CSAD: variants seen among roughly 807,000 people sequenced by gnomAD.
CSAD encodes P-selectin cytoplasmic tail-associated protein.
A neutral mutation model predicts 61.5 loss-of-function variants in CSAD; 47 were observed. That is an observed-to-expected ratio of 0.76 (90% CI 0.60 to 0.97). The LOEUF is 0.97. Among genes scored for constraint, CSAD ranks in the 50% least tolerant of loss-of-function variants. The probability of loss-of-function intolerance (pLI) is 0.00; values close to 1 mark genes in which losing one functional copy is unlikely to be tolerated. For synonymous variants in CSAD, 245 were observed against 252.7 expected (o/e 0.97, Z 0.29); for missense variants, 611 against 643.6 (o/e 0.95, Z 0.55).
chr12:53,165,751 G>A (rs1357092082), intron 10 of CSAD, among the ~76,000 whole-genome samples: 1 of 151,520 alleles, frequency 6.6e-6, no homozygotes, highest in Non-Finnish European at 1.5e-5. Flanking sequence ...CTGCAGGAAT[G>A]TAAACTGGTA....
chr12:53,158,520 C>T lies in CSAD; in HGVS notation c.1473G>A (p.Gln491=). The change falls in exon 17 of 17, where the codon CAG becomes CAA. Residue 491 remains glutamine (Q), a synonymous_variant. Transcript: ENST00000444623. Reference sequence around the variant, plus strand: ...GCAAGACAGAGAAGGCTCACAGGTCCTGGCCTAGCCGCTCCAGCTCGTTGA... The same window carrying T: ...GCAAGACAGAGAAGGCTCACAGGTCTTGGCCTAGCCGCTCCAGCTCGTTGA... ...FLLNELERLG[Q]DL 6.2e-7 allele frequency: 1 copy of T among 1,612,950 alleles called. No individual in the cohort carries two copies. The highest frequency in any genetic ancestry group is 1.1e-5 in the South Asian group (1 of 91,036).
At position 53,170,063 on chromosome 12, in the gene CSAD, C is replaced by A; in HGVS notation, c.702+9G>T. 6.2e-7 allele frequency: 1 copy of A among 1,613,488 alleles called. No individual in the cohort carries two copies. ...GGCTATATCACCCCAGCGAGCCTCA[C>A]TGACTCACCTCAGCCTCGGCCATAC... On this transcript the variant is annotated intron_variant, in intron 10 of 16. Coordinates refer to ENST00000444623, the MANE Select transcript of CSAD (RefSeq NM_001244705.2).
At chr12:53,160,652 G>A (rs1405598790) in intron 13 of CSAD, 111 bp downstream of exon 13, 3 of 955,022 alleles carry the variant, frequency 3.1e-6, no homozygotes, top group Admixed American at 2.2e-5. Context: ...TGCAGCTTCA[G>A]AAGGGATGGT....
At chr12:53,169,205 T>C (rs1411060240) in intron 10 of CSAD, among the ~76,000 whole-genome samples, 1 of 144,484 alleles carries the variant, frequency 6.9e-6, no homozygotes, top group Non-Finnish European at 1.5e-5. Context: ...AATGGCCGGG[T>C]GCAATGGCTC....
rs1293336328 is a variant in CSAD at position 53,163,091 on chromosome 12, GGT to G, written c.703-1704_703-1703del. Among the ~76,000 whole-genome samples the G allele has an allele frequency of 3.3e-3, 502 of 151,896 alleles. 2 individuals carry two copies. The highest frequency in any genetic ancestry group is 0.012 in the African/African-American group (487 of 41,460). Reference sequence around the variant, plus strand: ...AAAAAAAAAAGAAAAAAAATAGACAGGTGTATAGGGGTGCACTCCTATAGTCC... The same window carrying G: ...AAAAAAAAAAGAAAAAAAATAGACAGGTATAGGGGTGCACTCCTATAGTCC... On this transcript the variant is annotated intron_variant, in intron 10 of 16. Coordinates refer to ENST00000444623, the MANE Select transcript of CSAD (RefSeq NM_001244705.2).
intron 10 of CSAD, among the ~76,000 whole-genome samples, chr12:53,168,678 T>C (rs535052902): frequency 3.3e-4 from 51 of 152,286 alleles, no homozygotes; most frequent in African/African-American, 1.0e-3. Flanking sequence ...TAAATAATAA[T>C]AACAACAATA....
chr12:53,176,887 C>T (rs1219587528), intron 2 of CSAD, among the ~76,000 whole-genome samples: 1 of 152,016 alleles, frequency 6.6e-6, no homozygotes, highest in Non-Finnish European at 1.5e-5. Flanking sequence ...CACATGCCAG[C>T]ATGCCGGGTT....
chr12:53,180,439 A>G, intron 1 of CSAD: 1 of 1,176,468 alleles, frequency 8.5e-7, no homozygotes, highest in Non-Finnish European at 1.1e-6. Flanking sequence ...CCCAGCGTAC[A>G]ATCATCGAAG....
intron 16 of CSAD, among the ~76,000 whole-genome samples, chr12:53,159,171 G>T (rs1938938540): frequency 6.6e-6 from 1 of 152,168 alleles, no homozygotes; most frequent in Non-Finnish European, 1.5e-5. Context: ...ATAAGGGCAA[G>T]AACATTTGTC....
intron 10 of CSAD, among the ~76,000 whole-genome samples, chr12:53,161,675 T>C (rs1002984381): frequency 6.6e-6 from 1 of 152,060 alleles, no homozygotes; most frequent in Non-Finnish European, 1.5e-5. Flanking sequence ...TGAAAAAAAA[T>C]TGAGTCAGGC....
chr12:53,171,979 A>G lies in CSAD; in HGVS notation c.354T>C (p.Tyr118=), dbSNP rs752037364. 1.2e-6 allele frequency: 2 copies of G among 1,612,520 alleles called. No individual in the cohort carries two copies. Among genetic ancestry groups the G allele is most frequent in the African/African-American group, 2.7e-5 (2 of 74,868 alleles). ...TGAGCACAAACACGGGGGCGATTTC[A>G]TATGTGTACCTGCCAGGAGAGAGAA... is the stretch of plus-strand genomic sequence containing the variant. The part of the protein sequence containing the change: ...TESLNTSQYT[Y]EIAPVFVLME... Residue 118 remains tyrosine (Y), a synonymous_variant, in exon 7 of 17, where the codon TAT becomes TAC. Transcript: ENST00000444623.
rs1016029539 is a variant in CSAD, at chr12:53,160,167, G to A, written c.1119C>T (p.Gly373=). The change falls in exon 14 of 17, where the codon GGC becomes GGT. Residue 373 remains glycine (G), a synonymous_variant. Transcript: ENST00000444623. ...LKLWLMWKAQ[G]DQGLERRIDQ... is the part of the protein sequence containing the mutation. ...CGATGCGCCGCTCCAGCCCTTGATC[G>A]CCCTGTGCCTTCCACATGAGCCACA... The A allele has an allele frequency of 1.5e-5, 24 of 1,613,858 alleles. No homozygotes were observed. In the East Asian group the frequency reaches 2.2e-4, roughly 15 times the overall value.
At chr12:53,162,086 C>G (rs1939349122) in intron 10 of CSAD, among the ~76,000 whole-genome samples, 1 of 151,642 alleles carries the variant, frequency 6.6e-6, no homozygotes, top group African/African-American at 2.4e-5. Context: ...ATGGCAAAAC[C>G]CCGTCTCTAT....
chr12:53,180,840 A>G lies in CSAD; in HGVS notation c.-199T>C. ...CAGCGGGAGGCCGCGCCTGGCAGGT[A>G]GGAGCAAGCCCCAAAGACCGCAGCG... On this transcript the variant is annotated 5_prime_UTR_variant, in exon 1 of 17. Coordinates refer to ENST00000444623, the MANE Select transcript of CSAD (RefSeq NM_001244705.2). The G allele has an allele frequency of 7.9e-7, 1 of 1,269,894 alleles. No individual in the cohort carries two copies. The highest frequency in any genetic ancestry group is 1.3e-5 in the South Asian group (1 of 78,844). The allele number at this position is 1,269,894 out of a possible 1,614,324, so 78.7% of individuals were successfully genotyped here.
At chr12:53,177,847 C>T in intron 2 of CSAD, 1 of 152,840 alleles carries the variant, frequency 6.5e-6, no homozygotes, top group Non-Finnish European at 1.5e-5. Flanking sequence ...TCCATGTTGG[C>T]CCAGCTGGTC....
intron 1 of CSAD, chr12:53,179,739 C>T (rs1434374823): frequency 6.5e-7 from 1 of 1,528,604 alleles, no homozygotes; most frequent in Admixed American, 1.7e-5. Flanking sequence ...TTGGTATCAC[C>T]ATTACTTCTC....
upstream of CSAD, chr12:53,180,973 CG>C (rs1405028274): frequency 2.0e-5 from 1 of 49,568 alleles, no homozygotes; most frequent in Admixed American, 4.0e-4. Flanking sequence ...GGGGGATCTC[CG>C]GGGGAGGGAG....
At chr12:53,174,433 T>C (rs1041584108) in intron 2 of CSAD, among the ~76,000 whole-genome samples, 4 of 152,222 alleles carry the variant, frequency 2.6e-5, no homozygotes, top group African/African-American at 9.6e-5. Context: ...TACACATCTA[T>C]ATTTTTATAA....
At chr12:53,168,664 G>T (rs1030961218) in intron 10 of CSAD, among the ~76,000 whole-genome samples, 3 of 152,004 alleles carry the variant, frequency 2.0e-5, no homozygotes, top group Non-Finnish European at 4.4e-5. Context: ...TCTAATAATA[G>T]TAATAAATAA....
Sources: allele counts gnomAD v4.1 joint callset (sites outside exome capture counted in the v4.1 genomes callset), GRCh38; gene constraint gnomAD v4.1.1; transcripts MANE v1.5; gene names NCBI Gene and HGNC (gene_info 2026-07-23, HGNC 2026-07-21).